GNB2: variants seen among roughly 807,000 people sequenced by gnomAD.
GNB2 encodes the protein G protein subunit beta 2.
GNB2 carries 7 observed loss-of-function variants against 40.7 expected under a neutral mutation model. That is an observed-to-expected ratio of 0.17 (90% CI 0.10 to 0.32). The LOEUF (loss-of-function observed/expected upper bound fraction) is 0.32. Ranked by LOEUF, GNB2 falls within the 10% of genes least tolerant of loss-of-function variation. The pLI, the probability that GNB2 is intolerant of heterozygous loss-of-function variation, is 1.00. For missense variants in GNB2, 286 were observed against 473.0 expected, an observed-to-expected ratio of 0.60 and a Z score of 3.67; for synonymous variants, 254 against 191.2, an observed-to-expected ratio of 1.33 and a Z score of -2.71.
chr7:100,677,048 A>AGGATC, intron 4 of GNB2: 1 of 592,706 alleles, frequency 1.7e-6, no homozygotes, highest in Non-Finnish European at 3.0e-6. Flanking sequence ...AGGCCAGGGC[A>AGGATC]GGATCACTTG....
At chr7:100,676,872 C>A in intron 4 of GNB2, 73 bp downstream of exon 4, 1 of 882,824 alleles carries the variant, frequency 1.1e-6, no homozygotes, top group Non-Finnish European at 1.8e-6. Context: ...TCAGATCTGG[C>A]GGAGTAAGCA....
intron 4 of GNB2, chr7:100,677,007 T>A: frequency 1.7e-6 from 1 of 597,312 alleles, no homozygotes; most frequent in Non-Finnish European, 3.0e-6. Context: ...GTCTCTCAGG[T>A]GGCTCACGCC....
At chr7:100,678,058 CCTGT>C (rs773258449) in intron 7 of GNB2, 36 bp from the exon 8 acceptor site, 20 of 1,512,114 alleles carry the variant, frequency 1.3e-5, no homozygotes, top group Admixed American at 1.7e-5. Flanking sequence ...TGTTCTTCGC[CCTGT>C]CTCTTATCTT....
Position 100,678,198 on chromosome 7 carries a change from G to C in GNB2, c.598G>C (p.Val200Leu). ...CCTGGCCCCCGATGGCCGCACGTTT[G>C]TGTCAGGCGCCTGTGATGCCTCTAT... ...LSLAPDGRTFVSGACDASIKL... is the reference protein window; with the variant it reads ...LSLAPDGRTFLSGACDASIKL... The change falls in exon 8 of 10, where the codon GTG becomes CTG. Residue 200 changes from valine (V) to leucine (L), a missense_variant. Transcript: ENST00000303210. 6.2e-7 allele frequency: 1 copy of C among 1,614,060 alleles called. No homozygotes were observed. Among genetic ancestry groups the C allele is most frequent in the South Asian group, 1.1e-5 (1 of 91,084 alleles).
chr7:100,677,993 C>CT (rs1214172902), intron 7 of GNB2, 105 bp from the exon 8 acceptor site: 1 of 1,107,574 alleles, frequency 9.0e-7, no homozygotes, highest in Non-Finnish European at 1.4e-6. Flanking sequence ...AAGAGCCTCC[C>CT]TGGACCCTTC....
intron 7 of GNB2, 75 bp from the exon 8 acceptor site, chr7:100,678,023 G>A (rs1378743470): frequency 1.1e-5 from 14 of 1,298,980 alleles, no homozygotes; most frequent in Admixed American, 3.4e-5. Context: ...GGGCTCACGT[G>A]GTGGGGCGGG....
At chr7:100,677,941 G>C (rs933075458) in intron 7 of GNB2, 123 bp downstream of exon 7, 4 of 1,016,224 alleles carry the variant, frequency 3.9e-6, no homozygotes, top group Non-Finnish European at 6.0e-6. Context: ...GCGCTAAGGG[G>C]GTCAGGGAGG....
chr7:100,676,607 G>T (rs1562857588), intron 3 of GNB2, 34 bp downstream of exon 3: 1 of 1,585,480 alleles, frequency 6.3e-7, no homozygotes, highest in Admixed American at 1.7e-5. Context: ...CGTAACTAGG[G>T]GTTGAAGGGG....
chr7:100,678,792 C>T lies in GNB2; in HGVS notation c.1014C>T (p.Ile338=). The T allele has an allele frequency of 6.2e-7, 1 of 1,611,040 alleles. No homozygotes were observed. The highest frequency in any genetic ancestry group is 2.2e-5 in the East Asian group (1 of 44,872). ...ATGSWDSFLK[I]WN ...GCTCCTGGGACTCCTTCCTCAAGAT[C>T]TGGAACTAATGGCCCCACCCCCACT... Residue 338 remains isoleucine (I), a synonymous_variant, in exon 10 of 10, where the codon ATC becomes ATT. Coordinates refer to ENST00000303210, the MANE Select transcript of GNB2 (RefSeq NM_005273.4).
At position 100,677,747 on chromosome 7, in the gene GNB2, C is replaced by T. The variant is rs1270969206; in HGVS notation, c.431-5C>T. The T allele has an allele frequency of 3.7e-6, 6 of 1,613,784 alleles. No individual in the cohort carries two copies. Among genetic ancestry groups the T allele is most frequent in the Non-Finnish European group, 5.1e-6 (6 of 1,179,974 alleles). On this transcript the variant is annotated splice_polypyrimidine_tract_variant and splice_region_variant and intron_variant, in intron 6 of 9. Coordinates refer to ENST00000303210, the MANE Select transcript of GNB2 (RefSeq NM_005273.4). The stretch of plus-strand genomic sequence containing the variant: ...GGAGACCTGGCTGACCAGCTCCTTC[C>T]CCAGGGTACCTGTCGTGTTGCCGCT...
chr7:100,675,880 C>G (rs1804335819), intron 1 of GNB2: 1 of 227,346 alleles, frequency 4.4e-6, no homozygotes, highest in South Asian at 9.8e-5. Flanking sequence ...CCCCCGCCCC[C>G]CCCGCCCCAG....
In GNB2 at chr7:100,676,569, C is replaced by G. The variant is rs1324648019; in HGVS notation, c.92C>G (p.Thr31Ser). The G allele has an allele frequency of 6.2e-7, 1 of 1,610,160 alleles. No individual in the cohort carries two copies. Among genetic ancestry groups the G allele is most frequent in the East Asian group, 2.2e-5 (1 of 44,880 alleles). ...AAAGCATGTGGGGACTCAACACTGA[C>G]CCAGGTGAGGGCACTTGGTGGCCAG... is the stretch of plus-strand genomic sequence containing the variant. ...ARKACGDSTL[T>S]QITAGLDPVG... Residue 31 changes from threonine to serine, a missense_variant, in exon 3 of 10, where the codon ACC (threonine) becomes AGC (serine). Thr to Ser is a moderately conservative substitution (Grantham distance 58, BLOSUM62 1). Transcript: ENST00000303210.
chr7:100,677,458 C>T (rs1584479160), intron 5 of GNB2, 40 bp from the exon 6 acceptor site: 3 of 1,613,156 alleles, frequency 1.9e-6, no homozygotes, highest in Non-Finnish European at 2.5e-6. Flanking sequence ...GCCACAGGGC[C>T]CTGGCTGGCT....
chr7:100,676,174 C>A lies in GNB2; in HGVS notation c.-89-3C>A. 1 of 727,928 alleles carries A rather than the reference C, an allele frequency of 1.4e-6. No homozygotes were observed. The highest frequency in any genetic ancestry group is 2.3e-6 in the Non-Finnish European group (1 of 436,464). 45.1% of individuals were successfully genotyped at this position (727,928 alleles called of 1,614,324 possible). A position where few individuals can be genotyped will look rare whatever the true frequency, so the allele number is the denominator to read the frequency against. On this transcript the variant is annotated splice_region_variant and splice_polypyrimidine_tract_variant and intron_variant, in intron 1 of 9. Coordinates refer to ENST00000303210, the MANE Select transcript of GNB2 (RefSeq NM_005273.4). Reference sequence around the variant, plus strand: ...GGCCTGACGTCAGCCCTGCATCCCCCAGGCCTCGGGCCAGCGGCCAGGAGC... The same window carrying A: ...GGCCTGACGTCAGCCCTGCATCCCCAAGGCCTCGGGCCAGCGGCCAGGAGC...
intron 2 of GNB2, 83 bp downstream of exon 2, chr7:100,676,405 G>A: frequency 8.1e-7 from 1 of 1,233,414 alleles, no homozygotes; most frequent in South Asian, 1.2e-5. Flanking sequence ...GTTGGTGGGG[G>A]AAGGGGGAGG....
rs1203602961 is a variant in GNB2, at chr7:100,673,926, A to G, written c.-90+3A>G. 5.9e-6 allele frequency: 1 copy of G among 168,612 alleles called. No homozygotes were observed. Among genetic ancestry groups the G allele is most frequent in the Non-Finnish European group, 1.2e-5 (1 of 80,654 alleles). 10.4% of individuals were successfully genotyped at this position (168,612 alleles called of 1,614,324 possible). On this transcript the variant is annotated splice_donor_region_variant and intron_variant, in intron 1 of 9. Transcript: ENST00000303210. The stretch of plus-strand genomic sequence containing the variant: ...GCCGCAGAGTCCCACCGCCACAGGT[A>G]CCTTCGCTGGCAAAAGGAGTCCTCT...
At chr7:100,677,883 C>T in intron 7 of GNB2, 65 bp downstream of exon 7, 4 of 1,405,554 alleles carry the variant, frequency 2.8e-6, no homozygotes, top group Non-Finnish European at 4.0e-6. Flanking sequence ...GGGCCACCGT[C>T]CCAGTGCTCA....
chr7:100,674,987 G>A (rs1804318385), intron 1 of GNB2, among the ~76,000 whole-genome samples: 1 of 152,290 alleles, frequency 6.6e-6, no homozygotes, highest in African/African-American at 2.4e-5. Context: ...GAGGGGAAAT[G>A]TCAGTGGGGA....
At chr7:100,676,363 G>A (rs921265001) in intron 2 of GNB2, 41 bp downstream of exon 2, 1 of 1,534,424 alleles carries the variant, frequency 6.5e-7, no homozygotes, top group South Asian at 1.2e-5. Context: ...TGTGTACACC[G>A]CCCGGTGCCC....
Sources: gnomAD v4.1 joint callset for allele counts (sites outside exome capture counted in the v4.1 genomes callset) on GRCh38, gnomAD v4.1.1 for gene constraint, MANE v1.5 for transcripts, NCBI Gene and HGNC (gene_info 2026-07-23, HGNC 2026-07-21) for gene names.